EYS: variants seen among roughly 807,000 people sequenced by gnomAD.
The protein encoded by EYS is protein eyes shut homolog.
In EYS, 250 loss-of-function variants were observed where a neutral mutation model predicts 282.1. The observed-to-expected ratio is 0.89, with a 90% CI of 0.80 to 0.98. The LOEUF is 0.98. Ranked by LOEUF, EYS falls within the 50% of genes least tolerant of loss-of-function variation. The pLI is 0.00. For missense variants in EYS, 4,016 were observed against 3,709.0 expected (o/e 1.08, Z -2.15); for synonymous variants, 1,355 against 1,282.9 (o/e 1.06, Z -1.20).
intron 26 of EYS, among the ~76,000 whole-genome samples, chr6:64,586,547 T>C (rs1450196953): frequency 6.6e-6 from 1 of 151,914 alleles, no homozygotes; most frequent in African/African-American, 2.4e-5. Context: ...TATTAATAGA[T>C]GCCAAAAAGA....
chr6:64,945,980 T>C, intron 14 of EYS, 66 bp from the exon 15 acceptor site: 1 of 1,232,674 alleles, frequency 8.1e-7, no homozygotes, highest in Non-Finnish European at 1.1e-6. Context: ...ATACAGATAT[T>C]ACTCCTGGCC....
In EYS at chr6:64,645,888, T is replaced by A. The variant is rs77975553; in HGVS notation, c.3444-19643A>T. Among the ~76,000 whole-genome samples, 22 of 152,326 alleles carry A rather than the reference T, an allele frequency of 1.4e-4. No individual in the cohort carries two copies. The East Asian group carries it at 4.2e-3, about 29-fold the overall frequency. ...GATGACTAAGGTTAATCTGTCTCCA[T>A]TTGCTTAAATACTCTAAAAGAAATA... On this transcript the variant is annotated intron_variant, in intron 22 of 42. Coordinates refer to ENST00000503581, the MANE Select transcript of EYS (RefSeq NM_001142800.2).
At chr6:65,459,420 A>G (rs1006442566) in intron 5 of EYS, among the ~76,000 whole-genome samples, 1 of 152,072 alleles carries the variant, frequency 6.6e-6, no homozygotes, top group Non-Finnish European at 1.5e-5. Flanking sequence ...AGAGAACATT[A>G]TAGTTTAAGT....
chr6:64,377,618 C>T (rs2150417783), intron 29 of EYS, among the ~76,000 whole-genome samples: 1 of 151,702 alleles, frequency 6.6e-6, no homozygotes, highest in Middle Eastern at 3.4e-3. Flanking sequence ...GAGTATTTAC[C>T]AAAGGGAATG....
chr6:64,175,921 A>G (rs1764619560), intron 31 of EYS, among the ~76,000 whole-genome samples: 1 of 152,162 alleles, frequency 6.6e-6, no homozygotes, highest in African/African-American at 2.4e-5. Context: ...ATAAGACAAT[A>G]AAGAAAAACA....
chr6:64,412,160 A>G (rs1003512138), intron 28 of EYS, among the ~76,000 whole-genome samples: 1 of 151,900 alleles, frequency 6.6e-6, no homozygotes, highest in African/African-American at 2.4e-5. Flanking sequence ...CTATATATCA[A>G]AATTTTGCCT....
At chr6:64,726,386 T>C (rs1288382071) in intron 22 of EYS, among the ~76,000 whole-genome samples, 2 of 152,168 alleles carry the variant, frequency 1.3e-5, no homozygotes, top group Non-Finnish European at 2.9e-5. Flanking sequence ...AGTTTATAAA[T>C]ATTTATTGAA....
chr6:64,392,517 C>T (rs1370730870), intron 28 of EYS, among the ~76,000 whole-genome samples: 2 of 151,732 alleles, frequency 1.3e-5, no homozygotes, highest in Admixed American at 1.3e-4. Context: ...CAACCTGCTC[C>T]TGAATGACTA....
chr6:65,667,606 TATTA>T (rs1308416049), intron 1 of EYS, among the ~76,000 whole-genome samples: 1 of 151,870 alleles, frequency 6.6e-6, no homozygotes, highest in Non-Finnish European at 1.5e-5. Context: ...CGAATACCCT[TATTA>T]ATTGTCAGTC....
At chr6:65,583,723 G>C (rs933858036) in intron 2 of EYS, among the ~76,000 whole-genome samples, 1 of 151,954 alleles carries the variant, frequency 6.6e-6, no homozygotes, top group Non-Finnish European at 1.5e-5. Flanking sequence ...AGCAATTGAT[G>C]CAATTGGACC....
intron 33 of EYS, among the ~76,000 whole-genome samples, chr6:64,026,704 G>A (rs1769533065): frequency 6.6e-6 from 1 of 152,064 alleles, no homozygotes; most frequent in Non-Finnish European, 1.5e-5. Flanking sequence ...TCCTCCTATA[G>A]CTCCCCTTCC....
At chr6:65,603,990 T>C (rs569087909) in intron 2 of EYS, among the ~76,000 whole-genome samples, 1 of 151,860 alleles carries the variant, frequency 6.6e-6, no homozygotes, top group African/African-American at 2.4e-5. Flanking sequence ...GAATGACTTC[T>C]TTTTTCTTTT....
chr6:64,550,013 T>A lies in EYS; in HGVS notation c.5644+40210A>T, dbSNP rs148442676. Among the ~76,000 whole-genome samples, 224 of 152,258 alleles carry A rather than the reference T, an allele frequency of 1.5e-3. 2 individuals are homozygous for A. The highest frequency in any genetic ancestry group is 5.1e-3 in the African/African-American group (211 of 41,542). ...TTGGTTTTTTGTCCTTGCGATAGTTTGCTGAGAATGATGGTTTCCCGCTTC... is the reference window on the plus strand; with the variant it reads ...TTGGTTTTTTGTCCTTGCGATAGTTAGCTGAGAATGATGGTTTCCCGCTTC... On this transcript the variant is annotated intron_variant, in intron 26 of 42. Coordinates refer to ENST00000503581, the MANE Select transcript of EYS (RefSeq NM_001142800.2).
intron 29 of EYS, among the ~76,000 whole-genome samples, chr6:64,349,188 CAATGTATAATATTACTATCAACT>C (rs1771524484): frequency 6.6e-6 from 1 of 151,202 alleles, no homozygotes; most frequent in African/African-American, 2.4e-5. Context: ...CTTTGAAAAG[CAATGTATAATATTACTATCAACT>C]AAATAATAAA....
intron 1 of EYS, among the ~76,000 whole-genome samples, chr6:65,673,635 C>T (rs1174991686): frequency 1.3e-5 from 2 of 151,968 alleles, no homozygotes; most frequent in African/African-American, 4.8e-5. Context: ...GTCCATTCTA[C>T]GTTTCCTGAA....
chr6:65,068,315 C>G (rs139031786), intron 12 of EYS, among the ~76,000 whole-genome samples: 2 of 152,060 alleles, frequency 1.3e-5, no homozygotes, highest in Non-Finnish European at 2.9e-5. Flanking sequence ...AGGATATTGC[C>G]CTCACTGTTC....
At chr6:64,280,575 A>G (rs1432920199) in intron 30 of EYS, among the ~76,000 whole-genome samples, 1 of 152,170 alleles carries the variant, frequency 6.6e-6, no homozygotes, top group Non-Finnish European at 1.5e-5. Context: ...ATTTGTGTAC[A>G]ACACCGTATA....
At chr6:64,338,703 T>C (rs951721382) in intron 29 of EYS, among the ~76,000 whole-genome samples, 2 of 151,976 alleles carry the variant, frequency 1.3e-5, no homozygotes, top group East Asian at 1.9e-4. Context: ...ATAACAACTC[T>C]GGAAGCATCA....
intron 31 of EYS, among the ~76,000 whole-genome samples, chr6:64,196,656 A>G (rs1471160038): frequency 6.6e-6 from 1 of 151,208 alleles, no homozygotes; most frequent in Non-Finnish European, 1.5e-5. Flanking sequence ...AAAAAACCAA[A>G]CACCGCATGT....
Sources: allele counts gnomAD v4.1 joint callset (sites outside exome capture counted in the v4.1 genomes callset), GRCh38; gene constraint gnomAD v4.1.1; transcripts MANE v1.5; gene names NCBI Gene and HGNC (gene_info 2026-07-23, HGNC 2026-07-21).